The following BEGAIN variants were observed in gnomAD, a reference collection of about 807,000 sequenced individuals.
BEGAIN encodes the protein brain enriched guanylate kinase associated.
In BEGAIN, 19 loss-of-function variants were observed where a neutral mutation model predicts 35.8. That is an observed-to-expected ratio of 0.53 (90% CI 0.37 to 0.78). BEGAIN has a LOEUF of 0.78. Ranked by LOEUF, BEGAIN falls within the 30% of genes least tolerant of loss-of-function variation. The pLI is 0.00. For missense variants in BEGAIN, 795 were observed against 853.6 expected (o/e 0.93, Z 0.85); for synonymous variants, 462 against 388.6 (o/e 1.19, Z -2.22).
chr14:100,555,345 C>T (rs527890482), intron 2 of BEGAIN, among the ~76,000 whole-genome samples: 9 of 152,380 alleles, frequency 5.9e-5, no homozygotes, highest in East Asian at 3.9e-4. Flanking sequence ...TCCCTGTGCC[C>T]GTGGCCACCC....
At chr14:100,562,565 G>A (rs1432723885) in intron 2 of BEGAIN, among the ~76,000 whole-genome samples, 2 of 131,516 alleles carry the variant, frequency 1.5e-5, no homozygotes, top group African/African-American at 5.8e-5. Context: ...CACACCCCAT[G>A]TCACCCCCAT....
intron 1 of BEGAIN, among the ~76,000 whole-genome samples, chr14:100,574,733 C>T (rs1001963126): frequency 4.0e-4 from 61 of 152,178 alleles, no homozygotes; most frequent in Non-Finnish European, 6.5e-4. Context: ...GGACCATCCA[C>T]ATCTGAGCTT....
rs2034751294 is a variant in BEGAIN at position 100,567,097 on chromosome 14, G to C, written c.71+814C>G. On this transcript the variant is annotated intron_variant, in intron 2 of 6. Coordinates refer to ENST00000554140, the MANE Select transcript of BEGAIN (RefSeq NM_001385089.1). This position sits in a 1 kb window ranked among gnomAD's most constrained non-coding sequence, Gnocchi z 5.1. ...AGGACGGAGACCCTGTGGGCCAGGG[G>C]AGACAGTGCTGAAACCCAGCAGCCA... Among the ~76,000 whole-genome samples the C allele has an allele frequency of 6.6e-6, 1 of 152,176 alleles. No individual in the cohort carries two copies. The highest frequency in any genetic ancestry group is 2.4e-5 in the African/African-American group (1 of 41,444).
At chr14:100,569,985 C>T (rs920806926) in intron 1 of BEGAIN, among the ~76,000 whole-genome samples, 6 of 152,088 alleles carry the variant, frequency 3.9e-5, no homozygotes, top group Non-Finnish European at 7.4e-5. Context: ...ATGGAAGCCC[C>T]GGACCCCCTA....
At chr14:100,570,344 C>T (rs964420895) in intron 1 of BEGAIN, among the ~76,000 whole-genome samples, 1 of 152,204 alleles carries the variant, frequency 6.6e-6, no homozygotes, top group African/African-American at 2.4e-5. Context: ...CTGGGCAGGG[C>T]AAGAGACAGG....
chr14:100,557,370 G>T (rs1206923943), intron 2 of BEGAIN, among the ~76,000 whole-genome samples: 1 of 152,248 alleles, frequency 6.6e-6, no homozygotes, highest in Admixed American at 6.5e-5. Flanking sequence ...CCGCCATGGC[G>T]GCGGCTGCCC....
intron 2 of BEGAIN, among the ~76,000 whole-genome samples, chr14:100,550,681 G>T (rs2033104273): frequency 6.6e-6 from 1 of 152,154 alleles, no homozygotes; most frequent in African/African-American, 2.4e-5. Context: ...AAAGTAGCAG[G>T]GGTTGGGGAT....
chr14:100,568,020 G>T lies in BEGAIN; in HGVS notation c.43-81C>A. ...CGCCGGGCAGAGCCGGGCACAGCGG[G>T]CACGGCCGGGCAACCCCGCGGGGCC... On this transcript the variant is annotated intron_variant, in intron 1 of 6. Coordinates refer to ENST00000554140, the MANE Select transcript of BEGAIN (RefSeq NM_001385089.1). The surrounding 1 kb of genome is among the most constrained non-coding windows in gnomAD (Gnocchi z 7.5). The T allele has an allele frequency of 1.6e-6, 2 of 1,241,868 alleles. No individual in the cohort carries two copies. Among genetic ancestry groups the T allele is most frequent in the African/African-American group, 1.6e-5 (1 of 62,104 alleles). The allele number at this position is 1,241,868 out of a possible 1,614,324, so 76.9% of individuals were successfully genotyped here.
At position 100,568,212 on chromosome 14, in the gene BEGAIN, C is replaced by T. The variant is rs1051065003; in HGVS notation, c.43-273G>A. ...CCCCCGGGGCGAAGAAGGGGCCGGC[C>T]CGGGATGGCCCGGCCAGGGGCGATC... On this transcript the variant is annotated intron_variant, in intron 1 of 6. Coordinates refer to ENST00000554140, the MANE Select transcript of BEGAIN (RefSeq NM_001385089.1). This position sits in a 1 kb window ranked among gnomAD's most constrained non-coding sequence, Gnocchi z 7.5. The T allele has an allele frequency of 6.0e-5, 39 of 646,642 alleles. No individual in the cohort carries two copies. Among genetic ancestry groups the T allele is most frequent in the Non-Finnish European group, 6.9e-5 (35 of 505,018 alleles). The allele number at this position is 646,642 out of a possible 1,614,324, so 40.1% of individuals were successfully genotyped here.
rs990975454 is a variant in BEGAIN at position 100,568,152 on chromosome 14, G to T, written c.43-213C>A. The T allele has an allele frequency of 3.2e-6, 3 of 934,206 alleles. No homozygotes were observed. Among genetic ancestry groups the T allele is most frequent in the African/African-American group, 1.8e-5 (1 of 55,302 alleles). The allele number at this position is 934,206 out of a possible 1,614,324, so 57.9% of individuals were successfully genotyped here. A position where few individuals can be genotyped will look rare whatever the true frequency, so the allele number is the denominator to read the frequency against. ...CCGCGGCCGAGTAACAGGTGAGCCC[G>T]CCCGGGCCGCCGCGCTCCCCGCACC... On this transcript the variant is annotated intron_variant, in intron 1 of 6. Coordinates refer to ENST00000554140, the MANE Select transcript of BEGAIN (RefSeq NM_001385089.1). The surrounding 1 kb of genome is among the most constrained non-coding windows in gnomAD (Gnocchi z 7.5).
At chr14:100,545,901 GC>G (rs2032305220) in intron 3 of BEGAIN, 1 of 152,238 alleles carries the variant, frequency 6.6e-6, no homozygotes, top group Non-Finnish European at 1.5e-5. Context: ...CAAGCCAACA[GC>G]AAAGGTTGCA....
intron 2 of BEGAIN, among the ~76,000 whole-genome samples, chr14:100,565,529 C>T (rs79480761): frequency 0.013 from 1,953 of 152,252 alleles, 25 homozygotes; most frequent in South Asian, 0.026. Flanking sequence ...GCTCCAGGCC[C>T]TGGGGGGTGT....
At position 100,538,974 on chromosome 14, in the gene BEGAIN, G is replaced by T. The variant is rs1247422674; in HGVS notation, c.834C>A (p.Ala278=). 6.2e-7 allele frequency: 1 copy of T among 1,610,162 alleles called. No homozygotes were observed. Among genetic ancestry groups the T allele is most frequent in the African/African-American group, 1.3e-5 (1 of 74,976 alleles). ...CGGCCGCGCTGTCAGTGGAGTTCTG[G>T]GCCCGCAGGAAGCCCACGTCGGTCA... ...APVTDVGFLR[A]QNSTDSAAEE... Residue 278 remains alanine (A), a synonymous_variant, in exon 7 of 7, where the codon GCC becomes GCA. Transcript: ENST00000554140.
chr14:100,584,942 G>A (rs2035401540), intron 1 of BEGAIN, among the ~76,000 whole-genome samples: 1 of 152,010 alleles, frequency 6.6e-6, no homozygotes. Context: ...TCCCTTAGGG[G>A]GAGGAGCCAC....
rs1038473941 is a variant in BEGAIN, at chr14:100,537,851, ACTC to A, written c.*115_*117del. ...GGAGAGGAGGTGCGGGGAGGAACAG[ACTC>A]CTCGTTGTTGGCCGGGGCAGGGGAA... is the stretch of plus-strand genomic sequence containing the variant. On this transcript the variant is annotated 3_prime_UTR_variant, in exon 7 of 7. Coordinates refer to ENST00000554140, the MANE Select transcript of BEGAIN (RefSeq NM_001385089.1). 82 of 1,386,972 alleles carry A rather than the reference ACTC, an allele frequency of 5.9e-5. No homozygotes were observed. Among genetic ancestry groups the A allele is most frequent in the Non-Finnish European group, 7.4e-5 (79 of 1,060,770 alleles). The allele number at this position is 1,386,972 out of a possible 1,614,324, so 85.9% of individuals were successfully genotyped here.
At chr14:100,562,078 T>C (rs2034305849) in intron 2 of BEGAIN, among the ~76,000 whole-genome samples, 1 of 152,050 alleles carries the variant, frequency 6.6e-6, no homozygotes, top group Admixed American at 6.6e-5. Context: ...TCTAGTAGGA[T>C]CAAGTTTAGA....
At chr14:100,576,442 A>G (rs774622452) in intron 1 of BEGAIN, among the ~76,000 whole-genome samples, 6 of 152,244 alleles carry the variant, frequency 3.9e-5, no homozygotes, top group Non-Finnish European at 8.8e-5. Flanking sequence ...ACACTAGTCA[A>G]TGCTCGGCGA....
At chr14:100,578,315 G>T (rs988643613) in intron 1 of BEGAIN, among the ~76,000 whole-genome samples, 1 of 152,218 alleles carries the variant, frequency 6.6e-6, no homozygotes, top group African/African-American at 2.4e-5. Context: ...TGCCAGGTGC[G>T]GTGCAGGGTG....
intron 5 of BEGAIN, 42 bp downstream of exon 5, chr14:100,543,816 C>T: frequency 6.5e-7 from 1 of 1,527,002 alleles, no homozygotes; most frequent in Non-Finnish European, 9.0e-7. Flanking sequence ...TCGCCTAGGC[C>T]CACCGGCAGT....
Sources: allele counts gnomAD v4.1 joint callset (sites outside exome capture counted in the v4.1 genomes callset), GRCh38; gene constraint gnomAD v4.1.1; non-coding constraint Gnocchi (gnomAD v3.1); transcripts MANE v1.5; gene names NCBI Gene and HGNC (gene_info 2026-07-23, HGNC 2026-07-21).